IBTK: variants seen among roughly 807,000 people sequenced by gnomAD.
IBTK encodes BTK-binding protein.
A neutral mutation model predicts 154.9 loss-of-function variants in IBTK; 83 were observed. That is an observed-to-expected ratio of 0.54 (90% CI 0.45 to 0.64). The LOEUF (loss-of-function observed/expected upper bound fraction) is 0.64. Ranked by LOEUF, IBTK falls within the 30% of genes least tolerant of loss-of-function variation. The probability of loss-of-function intolerance (pLI) is 0.00; values close to 1 mark genes in which losing one functional copy is unlikely to be tolerated. For synonymous variants in IBTK, 515 were observed against 536.1 expected (o/e 0.96, Z 0.54); for missense variants, 1,332 against 1,584.6 (o/e 0.84, Z 2.71).
intron 20 of IBTK, 91 bp from the exon 21 acceptor site, chr6:82,200,344 T>A: frequency 1.1e-6 from 1 of 919,682 alleles, no homozygotes; most frequent in South Asian, 1.5e-5. Flanking sequence ...ACCTGAAGGC[T>A]ACTTTTTAAA....
chr6:82,209,681 T>C (rs557471906), intron 16 of IBTK, among the ~76,000 whole-genome samples: 1 of 152,354 alleles, frequency 6.6e-6, no homozygotes, highest in South Asian at 2.1e-4. Context: ...TAAAAACTAC[T>C]TATTGTATGC....
chr6:82,247,155 C>G (rs1241620270), intron 1 of IBTK, among the ~76,000 whole-genome samples: 1 of 152,164 alleles, frequency 6.6e-6, no homozygotes, highest in African/African-American at 2.4e-5. Context: ...GTCAGTATCC[C>G]CAGGGTGGAC....
intron 5 of IBTK, among the ~76,000 whole-genome samples, chr6:82,226,003 C>T (rs934550884): frequency 1.3e-5 from 2 of 152,062 alleles, no homozygotes; most frequent in Non-Finnish European, 2.9e-5. Flanking sequence ...TCAATGTTTC[C>T]CTTCGGGGAG....
chr6:82,211,252 A>G, intron 15 of IBTK, 115 bp downstream of exon 15: 2 of 767,892 alleles, frequency 2.6e-6, no homozygotes, highest in South Asian at 2.2e-5. Flanking sequence ...TTTAATATAA[A>G]TGAAAAACTG....
intron 23 of IBTK, 67 bp downstream of exon 23, chr6:82,194,412 T>C: frequency 9.6e-7 from 1 of 1,044,762 alleles, no homozygotes; most frequent in Middle Eastern, 2.3e-4. Flanking sequence ...CATTAAAAAA[T>C]TAAATTGCAT....
chr6:82,229,186 A>G (rs1770409643), intron 4 of IBTK, among the ~76,000 whole-genome samples: 1 of 152,016 alleles, frequency 6.6e-6, no homozygotes, highest in African/African-American at 2.4e-5. Flanking sequence ...TGCTTGCTTC[A>G]CCCTCATTCT....
Position 82,208,155 on chromosome 6 carries a change from C to T in IBTK, c.2509+2659G>A, listed in dbSNP as rs948739392. On this transcript the variant is annotated intron_variant, in intron 16 of 28. Transcript: ENST00000306270. ...AAAAAAAGGTAATTATGTGAGGTGA[C>T]GGTTATGTTAATTAGCTTGATTGTG... Among the ~76,000 whole-genome samples, 5 of 150,398 alleles carry T rather than the reference C, an allele frequency of 3.3e-5. No homozygotes were observed. In the South Asian group the frequency reaches 6.3e-4, roughly 19 times the overall value.
At chr6:82,173,220 T>C in intron 27 of IBTK, 147 bp downstream of exon 27, 1 of 515,676 alleles carries the variant, frequency 1.9e-6, no homozygotes, top group Non-Finnish European at 3.4e-6. Flanking sequence ...TAGGCTGGTC[T>C]TGAACTCCTG....
At chr6:82,217,870 C>A (rs1443760922) in intron 10 of IBTK, 90 bp downstream of exon 10, 7 of 830,796 alleles carry the variant, frequency 8.4e-6, no homozygotes, top group African/African-American at 3.5e-5. Context: ...AAAGTAAAAC[C>A]TAATAACACT....
chr6:82,217,600 A>T (rs921252799), intron 10 of IBTK, among the ~76,000 whole-genome samples: 3 of 152,218 alleles, frequency 2.0e-5, no homozygotes, highest in African/African-American at 2.4e-5. Context: ...AAATTTTACA[A>T]AAGTCATTTA....
intron 4 of IBTK, among the ~76,000 whole-genome samples, chr6:82,230,859 G>A (rs1770477196): frequency 6.6e-6 from 1 of 152,070 alleles, no homozygotes; most frequent in Non-Finnish European, 1.5e-5. Flanking sequence ...AAGGATATAA[G>A]ACCACAGACC....
At chr6:82,211,618 T>C in intron 13 of IBTK, 46 bp from the exon 14 acceptor site, 1 of 1,476,580 alleles carries the variant, frequency 6.8e-7, no homozygotes. Flanking sequence ...TCTTTACATA[T>C]TTAGTGAAAA....
chr6:82,212,804 T>C lies in IBTK; in HGVS notation c.2205-11A>G, dbSNP rs534332199. 2.1e-6 allele frequency: 3 copies of C among 1,454,408 alleles called. No individual in the cohort carries two copies. The highest frequency in any genetic ancestry group is 1.8e-4 in the Middle Eastern group (1 of 5,686). The allele number at this position is 1,454,408 out of a possible 1,614,324, so 90.1% of individuals were successfully genotyped here. A position where few individuals can be genotyped will look rare whatever the true frequency, so the allele number is the denominator to read the frequency against. On this transcript the variant is annotated splice_polypyrimidine_tract_variant and intron_variant, in intron 12 of 28. Transcript: ENST00000306270. ...CTGACTCCATCTAACCTATCAAGGA[T>C]AGATAAAAATTAACAATTGATATTC...
At chr6:82,233,065 C>T (rs1278522397) in intron 3 of IBTK, among the ~76,000 whole-genome samples, 2 of 151,448 alleles carry the variant, frequency 1.3e-5, no homozygotes, top group East Asian at 3.9e-4. Flanking sequence ...GAGAAGAGAG[C>T]CTCTCAGCTT....
rs1250313172 is a variant in IBTK, at chr6:82,171,202, GTT to G, written c.*221_*222del. 6.6e-6 allele frequency: 2 copies of G among 303,168 alleles called. No individual in the cohort carries two copies. The highest frequency in any genetic ancestry group is 2.2e-5 in the African/African-American group (1 of 45,818). 18.8% of individuals were successfully genotyped at this position (303,168 alleles called of 1,614,324 possible). A position where few individuals can be genotyped will look rare whatever the true frequency, so the allele number is the denominator to read the frequency against. On this transcript the variant is annotated 3_prime_UTR_variant, in exon 29 of 29. Transcript: ENST00000306270. ...AAACAATTCTATTTAACCTTAATAAGTTTTTGTCTCACACATTTTATATAAAG... is the reference window on the plus strand; with the variant it reads ...AAACAATTCTATTTAACCTTAATAAGTTTGTCTCACACATTTTATATAAAG...
rs1770203158 is a variant in IBTK, at chr6:82,224,025, AGTCCAATTTAATTTCCAGATATTGT to A, written c.943+18_943+42del. 1.0e-6 allele frequency: 1 copy of A among 999,874 alleles called. No individual in the cohort carries two copies. Among genetic ancestry groups the A allele is most frequent in the Non-Finnish European group, 1.5e-6 (1 of 646,990 alleles). The allele number at this position is 999,874 out of a possible 1,614,324, so 61.9% of individuals were successfully genotyped here. On this transcript the variant is annotated intron_variant, in intron 7 of 28. Transcript: ENST00000306270. ...AAAAAGAAAAGATAATTTTTTAAAG[AGTCCAATTTAATTTCCAGATATTGT>A]CATTAAGGATTTCTTACCCAGTTGT...
chr6:82,225,106 C>G (rs1218918148), intron 6 of IBTK, among the ~76,000 whole-genome samples: 1 of 151,550 alleles, frequency 6.6e-6, no homozygotes, highest in Non-Finnish European at 1.5e-5. Flanking sequence ...TTGAGACCAG[C>G]CTGGTCAACA....
At chr6:82,187,800 G>C (rs1196656397) in intron 25 of IBTK, among the ~76,000 whole-genome samples, 2 of 152,092 alleles carry the variant, frequency 1.3e-5, no homozygotes, top group African/African-American at 4.8e-5. Context: ...TCTCCATATG[G>C]TCATATTACT....
At chr6:82,217,201 T>A (rs914388070) in intron 10 of IBTK, among the ~76,000 whole-genome samples, 8 of 152,178 alleles carry the variant, frequency 5.3e-5, no homozygotes, top group African/African-American at 1.7e-4. Context: ...CATGAAATCA[T>A]GAATTCAGTT....
Sources: gnomAD v4.1 joint callset for allele counts (sites outside exome capture counted in the v4.1 genomes callset) on GRCh38, gnomAD v4.1.1 for gene constraint, MANE v1.5 for transcripts, NCBI Gene and HGNC (gene_info 2026-07-23, HGNC 2026-07-21) for gene names.